The following SUGCT variants were observed in gnomAD, a reference collection of about 807,000 sequenced individuals.
SUGCT encodes succinyl-CoA:glutarate-CoA transferase.
Under a neutral mutation model 55.0 loss-of-function variants are expected in SUGCT, and 41 were observed. The ratio of observed to expected loss-of-function variants is 0.74; its 90% CI spans 0.58 to 0.97. The LOEUF (loss-of-function observed/expected upper bound fraction) is 0.97. Ranked by LOEUF, SUGCT falls within the 50% of genes least tolerant of loss-of-function variation. SUGCT has a pLI of 0.00. For missense variants in SUGCT, 568 were observed against 547.8 expected, an observed-to-expected ratio of 1.04 and a Z score of -0.37; for synonymous variants, 187 against 200.4, an observed-to-expected ratio of 0.93 and a Z score of 0.56.
chr7:40,774,475 A>T (rs1184830960), intron 13 of SUGCT, among the ~76,000 whole-genome samples: 6 of 152,268 alleles, frequency 3.9e-5, no homozygotes, highest in Admixed American at 3.3e-4. Flanking sequence ...CATGAAATTG[A>T]TCTATAATGT....
intron 12 of SUGCT, among the ~76,000 whole-genome samples, chr7:40,540,652 A>T (rs527808147): frequency 3.3e-5 from 5 of 152,358 alleles, no homozygotes; most frequent in Non-Finnish European, 5.9e-5. Flanking sequence ...GTATACCTGT[A>T]TTGAAAAGCA....
intron 9 of SUGCT, among the ~76,000 whole-genome samples, chr7:40,364,642 T>C (rs547126607): frequency 4.3e-4 from 66 of 152,246 alleles, no homozygotes; most frequent in African/African-American, 1.5e-3. Flanking sequence ...GAATATTGGC[T>C]CCCACTCTCT....
intron 9 of SUGCT, among the ~76,000 whole-genome samples, chr7:40,326,541 A>C (rs1293719869): frequency 6.6e-6 from 1 of 152,194 alleles, no homozygotes; most frequent in Non-Finnish European, 1.5e-5. Flanking sequence ...TTTTTAGAGA[A>C]GAAAAGAGGG....
At chr7:40,159,092 A>AT (rs939734447) in intron 1 of SUGCT, among the ~76,000 whole-genome samples, 66 of 151,298 alleles carry the variant, frequency 4.4e-4, no homozygotes, top group South Asian at 1.0e-3. Context: ...ATTTTTTTGT[A>AT]TTTTTTTTAT....
rs188718515 is a variant in SUGCT at position 40,209,002 on chromosome 7, A to G, written c.484+13942A>G. On this transcript the variant is annotated intron_variant, in intron 6 of 13. Transcript: ENST00000335693. ...GTTTTTATCCTCAAAATTCTATTCCATACACATCTTCAGATTCTTACTGCT... is the reference window on the plus strand; with the variant it reads ...GTTTTTATCCTCAAAATTCTATTCCGTACACATCTTCAGATTCTTACTGCT... 4.1e-4 allele frequency among the ~76,000 whole-genome samples: 63 copies of G among 152,334 alleles called. No homozygotes were observed. In the South Asian group the frequency reaches 8.3e-3, roughly 20 times the overall value.
chr7:40,148,951 A>G lies in SUGCT; in HGVS notation c.100+13831A>G, dbSNP rs574896963. Among the ~76,000 whole-genome samples the G allele has an allele frequency of 4.6e-5, 7 of 152,264 alleles. No homozygotes were observed. In the East Asian group the frequency reaches 1.2e-3, roughly 25 times the overall value. On this transcript the variant is annotated intron_variant, in intron 1 of 13. Transcript: ENST00000335693. Reference sequence around the variant, plus strand: ...GTTCTGATTACATTCTTGGTCTTCCAGGGAGGGGAGGAAAAAACAGTTGTT... The same window carrying G: ...GTTCTGATTACATTCTTGGTCTTCCGGGGAGGGGAGGAAAAAACAGTTGTT...
At chr7:40,625,667 A>G (rs1241433043) in intron 12 of SUGCT, among the ~76,000 whole-genome samples, 6 of 152,316 alleles carry the variant, frequency 3.9e-5, no homozygotes, top group African/African-American at 1.2e-4. Flanking sequence ...TTTTCTCTCC[A>G]GGAGAAACTG....
intron 9 of SUGCT, among the ~76,000 whole-genome samples, chr7:40,358,860 T>A (rs1343771932): frequency 6.6e-6 from 1 of 152,246 alleles, no homozygotes; most frequent in Non-Finnish European, 1.5e-5. Context: ...CATGTTAGGA[T>A]ATTTTAACTA....
intron 6 of SUGCT, among the ~76,000 whole-genome samples, chr7:40,219,076 C>T (rs934147627): frequency 6.6e-6 from 1 of 152,112 alleles, no homozygotes; most frequent in Non-Finnish European, 1.5e-5. Flanking sequence ...ACTCCTGAAG[C>T]CAGCGAGACC....
At chr7:40,720,443 G>T (rs1385425863) in intron 12 of SUGCT, among the ~76,000 whole-genome samples, 1 of 152,170 alleles carries the variant, frequency 6.6e-6, no homozygotes, top group African/African-American at 2.4e-5. Flanking sequence ...AACAGTTTTA[G>T]AATGAAGCAT....
intron 12 of SUGCT, chr7:40,499,447 C>T (rs1002423315): frequency 1.6e-5 from 3 of 186,008 alleles, no homozygotes; most frequent in African/African-American, 4.8e-5. Flanking sequence ...CTTGATTTTT[C>T]GATTCAATCA....
At chr7:40,621,176 A>G (rs145051768) in intron 12 of SUGCT, among the ~76,000 whole-genome samples, 1 of 152,290 alleles carries the variant, frequency 6.6e-6, no homozygotes, top group East Asian at 1.9e-4. Context: ...TTAGTATTGT[A>G]TTTATTATTG....
intron 12 of SUGCT, among the ~76,000 whole-genome samples, chr7:40,715,068 A>G (rs1785948432): frequency 1.3e-5 from 2 of 150,388 alleles, no homozygotes; most frequent in South Asian, 2.1e-4. Flanking sequence ...TTGTGTATGG[A>G]AAAAAAAAAT....
chr7:40,932,821 T>A, the SUGCT span, among the ~76,000 whole-genome samples: 1 of 151,782 alleles, frequency 6.6e-6, no homozygotes, highest in Non-Finnish European at 1.5e-5. Context: ...TGAGCCTATG[T>A]GTGTCTCTGC....
At chr7:40,729,698 C>T (rs571791801) in intron 12 of SUGCT, among the ~76,000 whole-genome samples, 1 of 152,194 alleles carries the variant, frequency 6.6e-6, no homozygotes, top group South Asian at 2.1e-4. Flanking sequence ...CCAACAGTTA[C>T]AATTCAGATA....
chr7:40,673,885 G>A (rs957451880), intron 12 of SUGCT, among the ~76,000 whole-genome samples: 1 of 152,086 alleles, frequency 6.6e-6, no homozygotes, highest in African/African-American at 2.4e-5. Context: ...TATACAAAGG[G>A]TTTTTGCTAC....
chr7:40,844,633 G>A (rs1793463255), intron 13 of SUGCT, among the ~76,000 whole-genome samples: 1 of 152,164 alleles, frequency 6.6e-6, no homozygotes, highest in South Asian at 2.1e-4. Context: ...TTTTGGAAAA[G>A]GCAACATTTC....
intron 13 of SUGCT, among the ~76,000 whole-genome samples, chr7:40,784,566 T>A (rs969248742): frequency 1.3e-5 from 2 of 152,146 alleles, no homozygotes; most frequent in Non-Finnish European, 2.9e-5. Context: ...CCAGAGAATG[T>A]CCCCTTTGAT....
At chr7:40,253,474 C>T (rs980125104) in intron 7 of SUGCT, among the ~76,000 whole-genome samples, 1 of 152,210 alleles carries the variant, frequency 6.6e-6, no homozygotes, top group Non-Finnish European at 1.5e-5. Flanking sequence ...TATGAAGGCA[C>T]GGACTGGCTG....
Sources: gnomAD v4.1 joint callset for allele counts (sites outside exome capture counted in the v4.1 genomes callset) on GRCh38, gnomAD v4.1.1 for gene constraint, MANE v1.5 for transcripts, NCBI Gene and HGNC (gene_info 2026-07-23, HGNC 2026-07-21) for gene names.